Variants in PXDNL observed in about 807,000 individuals in gnomAD.
PXDNL encodes the protein peroxidasin like.
Under a neutral mutation model 150.8 loss-of-function variants are expected in PXDNL, and 145 were observed. That is an observed-to-expected ratio of 0.96 (90% confidence interval 0.84 to 1.10). The LOEUF is 1.10. Ranked by LOEUF, PXDNL falls within the 50% of genes least tolerant of loss-of-function variation. PXDNL has a pLI of 0.00. For missense variants in PXDNL, 2,087 were observed against 1,873.9 expected, an observed-to-expected ratio of 1.11 and a Z score of -2.10; for synonymous variants, 757 against 725.7, an observed-to-expected ratio of 1.04 and a Z score of -0.69.
intron 4 of PXDNL, among the ~76,000 whole-genome samples, chr8:51,541,839 T>G (rs1247307773): frequency 6.6e-6 from 1 of 151,864 alleles, no homozygotes; most frequent in Non-Finnish European, 1.5e-5. Context: ...CACAGCCCCT[T>G]GCAGCCTGCT....
At chr8:51,566,834 T>C (rs983200280) in intron 3 of PXDNL, among the ~76,000 whole-genome samples, 2 of 151,460 alleles carry the variant, frequency 1.3e-5, no homozygotes, top group African/African-American at 4.8e-5. Flanking sequence ...CTTGTTTAAT[T>C]TTATATTGCT....
chr8:51,739,665 G>A (rs1354650385), intron 1 of PXDNL, among the ~76,000 whole-genome samples: 2 of 152,004 alleles, frequency 1.3e-5, no homozygotes, highest in African/African-American at 4.8e-5. Context: ...ACAAGGTCAG[G>A]AGATTGAGAC....
intron 2 of PXDNL, among the ~76,000 whole-genome samples, chr8:51,638,150 T>G (rs1050567353): frequency 1.3e-5 from 2 of 152,144 alleles, no homozygotes; most frequent in African/African-American, 4.8e-5. Context: ...AAACAAATGC[T>G]GAGAGATTTT....
intron 3 of PXDNL, among the ~76,000 whole-genome samples, chr8:51,591,908 C>T (rs1813452376): frequency 6.6e-6 from 1 of 152,178 alleles, no homozygotes; most frequent in South Asian, 2.1e-4. Flanking sequence ...CGTGAGCCAC[C>T]GTGCCCGGCC....
intron 1 of PXDNL, among the ~76,000 whole-genome samples, chr8:51,717,243 A>G (rs1816632626): frequency 1.3e-5 from 2 of 152,196 alleles, no homozygotes; most frequent in Non-Finnish European, 2.9e-5. Context: ...TTATAATACT[A>G]TAGTTTCCCA....
At chr8:51,611,794 G>A (rs1026618929) in intron 2 of PXDNL, among the ~76,000 whole-genome samples, 1 of 152,184 alleles carries the variant, frequency 6.6e-6, no homozygotes, top group Non-Finnish European at 1.5e-5. Flanking sequence ...CAAAGTAAGA[G>A]GAGCAAGGCC....
intron 3 of PXDNL, among the ~76,000 whole-genome samples, chr8:51,559,403 G>A (rs1030495307): frequency 2.2e-5 from 3 of 137,376 alleles, no homozygotes; most frequent in African/African-American, 7.8e-5. Flanking sequence ...ATTAACACCA[G>A]TCACACAGCT....
intron 1 of PXDNL, among the ~76,000 whole-genome samples, chr8:51,788,009 T>C (rs1476693104): frequency 6.6e-6 from 1 of 152,206 alleles, no homozygotes; most frequent in Non-Finnish European, 1.5e-5. Flanking sequence ...GCTCCAATGA[T>C]CATCAGCATG....
At chr8:51,450,378 G>T (rs1447061543) in intron 10 of PXDNL, among the ~76,000 whole-genome samples, 1 of 152,064 alleles carries the variant, frequency 6.6e-6, no homozygotes, top group Non-Finnish European at 1.5e-5. Flanking sequence ...TAGGAATCCA[G>T]CCCAGCAGGT....
chr8:51,331,088 C>A (rs1240532784), intron 21 of PXDNL, among the ~76,000 whole-genome samples: 1 of 152,178 alleles, frequency 6.6e-6, no homozygotes, highest in African/African-American at 2.4e-5. Context: ...AGAGGATCCA[C>A]AGACCCTCTG....
chr8:51,532,343 C>T (rs1444472384), intron 4 of PXDNL, among the ~76,000 whole-genome samples: 4 of 152,172 alleles, frequency 2.6e-5, no homozygotes, highest in East Asian at 3.8e-4. Context: ...TTGGCAGTAC[C>T]GTTCACCAAC....
intron 14 of PXDNL, 64 bp from the exon 15 acceptor site, chr8:51,413,322 ATG>A: frequency 2.3e-6 from 2 of 870,644 alleles, no homozygotes. Flanking sequence ...ATGATATTAT[ATG>A]AATGGCATTA....
intron 1 of PXDNL, among the ~76,000 whole-genome samples, chr8:51,766,275 A>G (rs571061670): frequency 6.6e-6 from 1 of 152,212 alleles, no homozygotes; most frequent in Non-Finnish European, 1.5e-5. Flanking sequence ...CCACTCTTCT[A>G]TATTACTATT....
chr8:51,389,967 T>G (rs2977007), intron 17 of PXDNL, among the ~76,000 whole-genome samples: 85,662 of 151,904 alleles, frequency 0.56, 27,927 homozygotes, highest in Non-Finnish European at 0.71. Flanking sequence ...AGCACAAATG[T>G]TTATATATTT....
intron 3 of PXDNL, among the ~76,000 whole-genome samples, chr8:51,586,184 C>T (rs892034638): frequency 3.3e-5 from 5 of 152,154 alleles, no homozygotes; most frequent in South Asian, 2.1e-4. Context: ...AGAAGCAAGG[C>T]GTGGAAAGCA....
intron 21 of PXDNL, among the ~76,000 whole-genome samples, chr8:51,335,909 T>C (rs1003335533): frequency 2.6e-5 from 4 of 152,218 alleles, no homozygotes; most frequent in Admixed American, 2.6e-4. Context: ...TGCAGACCAC[T>C]TTGGTTAGCT....
At chr8:51,743,942 G>GGAAGGAAGGAAGGAA (rs2036935344) in intron 1 of PXDNL, among the ~76,000 whole-genome samples, 1 of 6,288 alleles carries the variant, frequency 1.6e-4, no homozygotes, top group Admixed American at 2.4e-3. Flanking sequence ...GAAGGAAGGA[G>GGAAGGAAGGAAGGAA]AGAAAGAGAG....
At chr8:51,717,566 G>A (rs1416879806) in intron 1 of PXDNL, among the ~76,000 whole-genome samples, 1 of 152,192 alleles carries the variant, frequency 6.6e-6, no homozygotes, top group East Asian at 1.9e-4. Flanking sequence ...CAGGATCTGA[G>A]AAGCCCCACA....
chr8:51,588,891 T>G (rs1454023122), intron 3 of PXDNL, among the ~76,000 whole-genome samples: 3 of 152,164 alleles, frequency 2.0e-5, no homozygotes, highest in Admixed American at 2.0e-4. Context: ...AAATAAAGAA[T>G]GGCATGCACC....
Sources: allele counts gnomAD v4.1 joint callset (sites outside exome capture counted in the v4.1 genomes callset), GRCh38; gene constraint gnomAD v4.1.1; transcripts MANE v1.5; gene names NCBI Gene and HGNC (gene_info 2026-07-23, HGNC 2026-07-21).